The following XKR4 variants were observed in gnomAD, a reference collection of about 807,000 sequenced individuals.
XKR4 encodes XK related 4, also known as XK-related protein 4.
Under a neutral mutation model 53.9 loss-of-function variants are expected in XKR4, and 12 were observed. The observed-to-expected ratio is 0.22, with a 90% CI of 0.14 to 0.36. XKR4 has a LOEUF of 0.36. Among genes scored for constraint, XKR4 ranks in the 10% least tolerant of loss-of-function variants. The probability of loss-of-function intolerance (pLI) is 1.00; values close to 1 mark genes in which losing one functional copy is unlikely to be tolerated. For synonymous variants in XKR4, 354 were observed against 362.4 expected, an observed-to-expected ratio of 0.98 and a Z score of 0.26; for missense variants, 799 against 859.5, an observed-to-expected ratio of 0.93 and a Z score of 0.88.
rs191506958 is a variant in XKR4, at chr8:55,190,491, T to C, written c.806+87197T>C. ...TCCCTCACTAGACCCAGCCACTCTT[T>C]ACAAATGTACATTCCTGGGCCAACT... is the stretch of plus-strand genomic sequence containing the variant. On this transcript the variant is annotated intron_variant, in intron 1 of 2. Coordinates refer to ENST00000327381, the MANE Select transcript of XKR4 (RefSeq NM_052898.2). Among the ~76,000 whole-genome samples, 7 of 152,344 alleles carry C rather than the reference T, an allele frequency of 4.6e-5. No individual in the cohort carries two copies. The East Asian group carries it at 1.2e-3, about 25-fold the overall frequency.
intron 1 of XKR4, among the ~76,000 whole-genome samples, chr8:55,283,833 G>A (rs1053804042): frequency 6.6e-6 from 1 of 152,156 alleles, no homozygotes; most frequent in Admixed American, 6.5e-5. Context: ...CTGATGTGAG[G>A]CCAGCTCATT....
chr8:55,209,799 A>G (rs190527169), intron 1 of XKR4, among the ~76,000 whole-genome samples: 16 of 152,324 alleles, frequency 1.1e-4, no homozygotes, highest in Non-Finnish European at 1.9e-4. Context: ...GAGAGACCAG[A>G]AGAGGCTTGA....
At chr8:55,341,175 G>A (rs2129382136) in intron 1 of XKR4, among the ~76,000 whole-genome samples, 1 of 152,276 alleles carries the variant, frequency 6.6e-6, no homozygotes. Flanking sequence ...CAGAGAATAG[G>A]GAAGGGGAAC....
chr8:55,286,476 G>A (rs780675577), intron 1 of XKR4, among the ~76,000 whole-genome samples: 1 of 152,160 alleles, frequency 6.6e-6, no homozygotes, highest in Non-Finnish European at 1.5e-5. Context: ...CTGGGTGGGA[G>A]GGCTCAATGT....
intron 1 of XKR4, among the ~76,000 whole-genome samples, chr8:55,228,842 TACAC>T (rs71256522): frequency 0.14 from 21,625 of 149,322 alleles, 1,829 homozygotes; most frequent in Non-Finnish European, 0.2. Context: ...TGTGTGTATG[TACAC>T]ACACACACAC....
chr8:55,220,926 C>CGTGGTAGAT (rs1817872694), intron 1 of XKR4, among the ~76,000 whole-genome samples: 2 of 152,184 alleles, frequency 1.3e-5, no homozygotes, highest in Non-Finnish European at 2.9e-5. Flanking sequence ...TAGCAGGCTC[C>CGTGGTAGAT]ACGTTCGTGG....
chr8:55,216,791 A>G (rs1025958290), intron 1 of XKR4, among the ~76,000 whole-genome samples: 1 of 151,700 alleles, frequency 6.6e-6, no homozygotes, highest in African/African-American at 2.4e-5. Flanking sequence ...AAAATTAAGA[A>G]GTTCTATTTA....
chr8:55,464,339 C>T lies in XKR4; in HGVS notation c.1007-58942C>T, dbSNP rs545497855. On this transcript the variant is annotated intron_variant, in intron 2 of 2. Coordinates refer to ENST00000327381, the MANE Select transcript of XKR4 (RefSeq NM_052898.2). ...GGTTCAACATACACAAATCAATAAA[C>T]GTAATCCAGCATATAAACAGAACCA... Among the ~76,000 whole-genome samples the T allele has an allele frequency of 7.2e-5, 11 of 152,210 alleles. 1 individual carries two copies. The highest frequency in any genetic ancestry group is 1.4e-4 in the African/African-American group (6 of 41,500).
At chr8:55,411,389 GA>G (rs1298953202) in intron 2 of XKR4, among the ~76,000 whole-genome samples, 16 of 152,206 alleles carry the variant, frequency 1.1e-4, no homozygotes, top group Non-Finnish European at 2.1e-4. Flanking sequence ...CAGTGAGCGT[GA>G]GCTTTGATTT....
intron 1 of XKR4, among the ~76,000 whole-genome samples, chr8:55,272,481 A>C (rs1204593165): frequency 1.3e-5 from 2 of 152,152 alleles, no homozygotes; most frequent in African/African-American, 4.8e-5. Flanking sequence ...GGCAGTCCCC[A>C]ATTTTCAGTC....
At chr8:55,396,398 G>GTTTTTTTTTTTTTTTTT (rs1478254228) in intron 2 of XKR4, among the ~76,000 whole-genome samples, 1 of 36,478 alleles carries the variant, frequency 2.7e-5, no homozygotes, top group African/African-American at 2.3e-4. Flanking sequence ...TTTTTTGTTT[G>GTTTTTTTTTTTTTTTTT]GTTTTTTTTT....
chr8:55,438,453 G>T (rs1729849470), intron 2 of XKR4, among the ~76,000 whole-genome samples: 1 of 151,906 alleles, frequency 6.6e-6, no homozygotes, highest in Non-Finnish European at 1.5e-5. Context: ...AGCCGGGCGT[G>T]GTGGTGAGCA....
At chr8:55,166,079 G>A (rs769252977) in intron 1 of XKR4, among the ~76,000 whole-genome samples, 1 of 152,190 alleles carries the variant, frequency 6.6e-6, no homozygotes, top group Non-Finnish European at 1.5e-5. Context: ...AGTGAGGCCT[G>A]TGGATCTGGC....
At chr8:55,466,304 C>G (rs1029142294) in intron 2 of XKR4, among the ~76,000 whole-genome samples, 8 of 152,022 alleles carry the variant, frequency 5.3e-5, no homozygotes, top group Non-Finnish European at 1.2e-4. Context: ...ACTATGCAGC[C>G]ATAAAAAATG....
At chr8:55,323,129 G>T (rs1803240432) in intron 1 of XKR4, among the ~76,000 whole-genome samples, 2 of 152,110 alleles carry the variant, frequency 1.3e-5, no homozygotes, top group Non-Finnish European at 2.9e-5. Flanking sequence ...TATAACTAGT[G>T]ATTTTTCTGC....
intron 1 of XKR4, among the ~76,000 whole-genome samples, chr8:55,127,645 A>G (rs1816490607): frequency 6.6e-6 from 1 of 151,048 alleles, no homozygotes; most frequent in African/African-American, 2.4e-5. Flanking sequence ...GGTTTGTTAC[A>G]TATGTAAACA....
chr8:55,112,562 G>GTGTT (rs1816246269), intron 1 of XKR4, among the ~76,000 whole-genome samples: 1 of 77,212 alleles, frequency 1.3e-5, no homozygotes, highest in Non-Finnish European at 2.2e-5. Context: ...TACTTTTCAG[G>GTGTT]TTTTTTTTTT....
At chr8:55,124,276 C>G (rs996106561) in intron 1 of XKR4, among the ~76,000 whole-genome samples, 2 of 152,166 alleles carry the variant, frequency 1.3e-5, no homozygotes, top group African/African-American at 4.8e-5. Flanking sequence ...ATCACCACAG[C>G]CTCTTCTCAG....
intron 2 of XKR4, among the ~76,000 whole-genome samples, chr8:55,506,971 A>C (rs1485417882): frequency 6.6e-6 from 1 of 152,188 alleles, no homozygotes; most frequent in Non-Finnish European, 1.5e-5. Flanking sequence ...AAGCTCAGTT[A>C]ATATTAGCTT....
Sources: allele counts gnomAD v4.1 joint callset (sites outside exome capture counted in the v4.1 genomes callset), GRCh38; gene constraint gnomAD v4.1.1; transcripts MANE v1.5; gene names NCBI Gene and HGNC (gene_info 2026-07-23, HGNC 2026-07-21).